Variants in RANBP3L observed in about 807,000 individuals in gnomAD.
RANBP3L encodes the protein ran-binding protein 3-like.
Under a neutral mutation model 67.2 loss-of-function variants are expected in RANBP3L, and 56 were observed. The ratio of observed to expected loss-of-function variants is 0.83; its 90% CI spans 0.67 to 1.04. The LOEUF is 1.04. Ranked by LOEUF, RANBP3L falls within the 50% of genes least tolerant of loss-of-function variation. The pLI, the probability that RANBP3L is intolerant of heterozygous loss-of-function variation, is 0.00. For missense variants in RANBP3L, 496 were observed against 535.5 expected (o/e 0.93, Z 0.73); for synonymous variants, 164 against 181.4 (o/e 0.90, Z 0.77).
chr5:36,274,790 A>G (rs1204230664), intron 1 of RANBP3L, among the ~76,000 whole-genome samples: 1 of 152,026 alleles, frequency 6.6e-6, no homozygotes, highest in Non-Finnish European at 1.5e-5. Context: ...GGGCTAAGGG[A>G]GAGGAAATAA....
At chr5:36,263,812 C>G (rs183817747) in intron 6 of RANBP3L, among the ~76,000 whole-genome samples, 1 of 151,946 alleles carries the variant, frequency 6.6e-6, no homozygotes, top group East Asian at 1.9e-4. Flanking sequence ...AAAGAGTGAG[C>G]CACCACGCCT....
intron 1 of RANBP3L, among the ~76,000 whole-genome samples, chr5:36,279,967 A>G (rs916518402): frequency 6.6e-6 from 1 of 152,048 alleles, no homozygotes; most frequent in African/African-American, 2.4e-5. Context: ...TCACAAGAAG[A>G]AATTGGAGAA....
At chr5:36,262,808 G>C (rs1274526051) in intron 6 of RANBP3L, among the ~76,000 whole-genome samples, 1 of 152,086 alleles carries the variant, frequency 6.6e-6, no homozygotes, top group Non-Finnish European at 1.5e-5. Context: ...TGTATCAAGA[G>C]AGCATGTGCC....
chr5:36,283,539 TACACACAC>T (rs3086448), intron 1 of RANBP3L, among the ~76,000 whole-genome samples: 9 of 144,696 alleles, frequency 6.2e-5, no homozygotes, highest in East Asian at 2.1e-4. Flanking sequence ...TATATAAAAA[TACACACAC>T]ACACACACAC....
chr5:36,260,719 C>T, intron 8 of RANBP3L, 61 bp downstream of exon 8: 3 of 687,928 alleles, frequency 4.4e-6, no homozygotes, highest in Non-Finnish European at 4.9e-6. Context: ...ATTAATTTAC[C>T]TTTAGAAATT....
At chr5:36,258,927 A>C (rs1749178823) in intron 8 of RANBP3L, among the ~76,000 whole-genome samples, 1 of 152,210 alleles carries the variant, frequency 6.6e-6, no homozygotes, top group Non-Finnish European at 1.5e-5. Context: ...AATCCTTAAA[A>C]GAATGATTCT....
Position 36,253,668 on chromosome 5 carries a change from G to T in RANBP3L, c.1146C>A (p.Ser382Arg). The change falls in exon 12 of 14, where the codon AGC (serine) becomes AGA (arginine). Residue 382 changes from serine (S) to arginine (R), a missense_variant. Physicochemically the swap from Ser to Arg is moderately radical, Grantham distance 110. Transcript: ENST00000296604. ...RITATDLEDYSIKIFLIQASA... is the reference protein window; with the variant it reads ...RITATDLEDYRIKIFLIQASA... Reference sequence around the variant, plus strand: ...TTACCTGAATTAAAAATATTTTGATGCTATAGTCTTCTAAATCAGTAGCTG... The same window carrying T: ...TTACCTGAATTAAAAATATTTTGATTCTATAGTCTTCTAAATCAGTAGCTG... 1.2e-6 allele frequency: 2 copies of T among 1,606,528 alleles called. No homozygotes were observed. Among genetic ancestry groups the T allele is most frequent in the Non-Finnish European group, 1.7e-6 (2 of 1,173,512 alleles).
intron 1 of RANBP3L, among the ~76,000 whole-genome samples, chr5:36,301,012 G>A (rs1403365631): frequency 6.6e-6 from 1 of 152,188 alleles, no homozygotes; most frequent in Non-Finnish European, 1.5e-5. Flanking sequence ...ACTCTCAGCT[G>A]AAATCCCCCT....
chr5:36,280,775 A>G (rs1750922662), intron 1 of RANBP3L, among the ~76,000 whole-genome samples: 2 of 152,070 alleles, frequency 1.3e-5, no homozygotes, highest in Non-Finnish European at 2.9e-5. Context: ...ATGCTCCATT[A>G]TATTTTACTA....
rs201276304 is a variant in RANBP3L at position 36,259,582 on chromosome 5, T to TAA, written c.669+1196_669+1197dup. ...TAGGTGAAAGAGCAAGACCTCATCT[T>TAA]AAAAAAAAAAAAAAAAAATGGAATG... On this transcript the variant is annotated intron_variant, in intron 8 of 13. Coordinates refer to ENST00000296604, the MANE Select transcript of RANBP3L (RefSeq NM_145000.5). Among the ~76,000 whole-genome samples, 248 of 140,172 alleles carry TAA rather than the reference T, an allele frequency of 1.8e-3. 2 individuals carry two copies. Among genetic ancestry groups the TAA allele is most frequent in the South Asian group, 6.6e-3 (30 of 4,512 alleles). 92.0% of individuals were successfully genotyped at this position (140,172 alleles called of 152,430 possible). A position where few individuals can be genotyped will look rare whatever the true frequency, so the allele number is the denominator to read the frequency against.
At chr5:36,285,610 C>T (rs1751266374) in intron 1 of RANBP3L, among the ~76,000 whole-genome samples, 1 of 152,164 alleles carries the variant, frequency 6.6e-6, no homozygotes, top group Non-Finnish European at 1.5e-5. Context: ...CTTTAGAAGA[C>T]ACCAGCAAAG....
chr5:36,292,647 T>A (rs887276312), intron 1 of RANBP3L, among the ~76,000 whole-genome samples: 2 of 152,000 alleles, frequency 1.3e-5, no homozygotes, highest in African/African-American at 4.8e-5. Context: ...GCACCATTTA[T>A]TAAATAGGGA....
intron 1 of RANBP3L, among the ~76,000 whole-genome samples, chr5:36,298,255 A>G (rs1465387885): frequency 6.6e-6 from 1 of 151,152 alleles, no homozygotes. Context: ...AGCCGAGATC[A>G]TGCCACTGCA....
intron 13 of RANBP3L, 124 bp from the exon 14 acceptor site, chr5:36,249,821 GA>G (rs1748473752): frequency 2.4e-6 from 1 of 408,440 alleles, no homozygotes; most frequent in African/African-American, 2.1e-5. Flanking sequence ...AAAAGCTACA[GA>G]ATATACATTT....
At chr5:36,261,599 A>G (rs1376189190) in intron 7 of RANBP3L, among the ~76,000 whole-genome samples, 1 of 152,198 alleles carries the variant, frequency 6.6e-6, no homozygotes, top group Non-Finnish European at 1.5e-5. Flanking sequence ...GTATAATGCC[A>G]AAATAAAAGA....
Position 36,256,868 on chromosome 5 carries a change from A to G in RANBP3L, c.903+73T>C, listed in dbSNP as rs748439785. 6 of 1,346,482 alleles carry G rather than the reference A, an allele frequency of 4.5e-6. No homozygotes were observed. The African/African-American group carries it at 5.9e-5, about 13-fold the overall frequency. The allele number at this position is 1,346,482 out of a possible 1,614,324, so 83.4% of individuals were successfully genotyped here. A position where few individuals can be genotyped will look rare whatever the true frequency, so the allele number is the denominator to read the frequency against. On this transcript the variant is annotated intron_variant, in intron 10 of 13. Transcript: ENST00000296604. ...TATACTTCTGTCTGTATTTTTAAAG[A>G]TGCCTCTTCTCATGTTAACTTTATT...
chr5:36,267,569 A>G (rs1346835145), intron 4 of RANBP3L, among the ~76,000 whole-genome samples: 1 of 152,142 alleles, frequency 6.6e-6, no homozygotes, highest in Admixed American at 6.5e-5. Flanking sequence ...GAGGGGGATC[A>G]ATTCAAATGA....
chr5:36,294,290 CT>C (rs1188720688), intron 1 of RANBP3L, among the ~76,000 whole-genome samples: 4 of 151,870 alleles, frequency 2.6e-5, no homozygotes, highest in African/African-American at 9.7e-5. Context: ...ATTCTTCTCT[CT>C]TTTTTTCTTT....
At chr5:36,297,651 G>A (rs968470561) in intron 1 of RANBP3L, among the ~76,000 whole-genome samples, 8 of 152,134 alleles carry the variant, frequency 5.3e-5, no homozygotes, top group Non-Finnish European at 8.8e-5. Context: ...GTAAATTAAC[G>A]TTTACAAATG....
Sources: allele counts gnomAD v4.1 joint callset (sites outside exome capture counted in the v4.1 genomes callset), GRCh38; gene constraint gnomAD v4.1.1; transcripts MANE v1.5; gene names NCBI Gene and HGNC (gene_info 2026-07-23, HGNC 2026-07-21).